Variants in NUP205 observed in about 807,000 individuals in gnomAD.
NUP205 encodes nucleoporin 205, also known as nuclear pore complex protein Nup205.
Under a neutral mutation model 253.8 loss-of-function variants are expected in NUP205, and 76 were observed. That is an observed-to-expected ratio of 0.30 (90% CI 0.25 to 0.36). The LOEUF is 0.36. Among genes scored for constraint, NUP205 ranks in the 10% least tolerant of loss-of-function variants. The pLI is 1.00. For missense variants in NUP205, 2,162 were observed against 2,425.5 expected (o/e 0.89, Z 2.28); for synonymous variants, 832 against 850.1 (o/e 0.98, Z 0.37).
chr7:135,561,057 A>G (rs550259129), intron 1 of NUP205, among the ~76,000 whole-genome samples: 66 of 152,256 alleles, frequency 4.3e-4, no homozygotes, highest in African/African-American at 1.5e-3. Context: ...TCTAAGACCT[A>G]TGGTTGGCCA....
In NUP205 at chr7:135,600,888, G is replaced by T. The variant is rs1215931878; in HGVS notation, c.2293G>T (p.Val765Phe). The T allele has an allele frequency of 8.1e-6, 13 of 1,609,462 alleles. No individual in the cohort carries two copies. Among genetic ancestry groups the T allele is most frequent in the Non-Finnish European group, 1.1e-5 (13 of 1,176,716 alleles). ...AAEKWEVAEV[V>F]LEVFYKLLRD... ...TCTATAGTGGGAAGTTGCTGAGGTG[G>T]TTTTGGAGGTGTTTTATAAATTGCT... The change falls in exon 16 of 43, where the codon GTT (valine) becomes TTT (phenylalanine). Residue 765 changes from valine to phenylalanine, a missense_variant. This residue lies in a region of NUP205 where 892 missense variants were observed against 957.1 expected (regional missense o/e 0.93). Coordinates refer to ENST00000285968, the MANE Select transcript of NUP205 (RefSeq NM_015135.3).
chr7:135,645,901 G>A, intron 41 of NUP205: 1 of 576,622 alleles, frequency 1.7e-6, no homozygotes, highest in East Asian at 2.9e-5. Flanking sequence ...TCTTATTGCT[G>A]GAGTGGGCCT....
At chr7:135,579,077 T>C (rs1275323546) in intron 7 of NUP205, among the ~76,000 whole-genome samples, 162 bp downstream of exon 7, 1 of 152,204 alleles carries the variant, frequency 6.6e-6, no homozygotes, top group African/African-American at 2.4e-5. Flanking sequence ...ATACAGACTT[T>C]TTTCTCCTTG....
At chr7:135,565,015 C>T (rs945608211) in intron 1 of NUP205, among the ~76,000 whole-genome samples, 10 of 152,068 alleles carry the variant, frequency 6.6e-5, no homozygotes, top group African/African-American at 2.2e-4. Flanking sequence ...GTGATCTGCC[C>T]GCCTTGGCCT....
At chr7:135,586,845 A>G (rs563226118) in intron 8 of NUP205, among the ~76,000 whole-genome samples, 5 of 152,328 alleles carry the variant, frequency 3.3e-5, no homozygotes, top group Admixed American at 1.3e-4. Flanking sequence ...AATATGGCCT[A>G]TCTTGGTAAA....
chr7:135,569,718 A>T (rs1402821304), intron 1 of NUP205, among the ~76,000 whole-genome samples: 1 of 152,070 alleles, frequency 6.6e-6, no homozygotes, highest in Non-Finnish European at 1.5e-5. Flanking sequence ...AGTCATTATT[A>T]CTTACTGTTA....
At chr7:135,590,782 T>C (rs1013333187) in intron 10 of NUP205, among the ~76,000 whole-genome samples, 2 of 152,038 alleles carry the variant, frequency 1.3e-5, no homozygotes, top group Admixed American at 1.3e-4. Flanking sequence ...CTGCCCGCCT[T>C]GGCCTCCCAA....
chr7:135,558,616 T>C lies in NUP205; in HGVS notation c.28+644T>C, dbSNP rs115776142. Among the ~76,000 whole-genome samples, 400 of 152,294 alleles carry C rather than the reference T, an allele frequency of 2.6e-3. 3 individuals are homozygous for C. Among genetic ancestry groups the C allele is most frequent in the African/African-American group, 9.1e-3 (380 of 41,564 alleles). ...TGGAAGATTTGGGGTGGATCCTCTT[T>C]CGGTGATTCTCAATTCGGGCCGTAC... On this transcript the variant is annotated intron_variant, in intron 1 of 42. Transcript: ENST00000285968.
intron 23 of NUP205, 95 bp from the exon 24 acceptor site, chr7:135,615,821 T>A: frequency 1.4e-6 from 1 of 699,454 alleles, no homozygotes; most frequent in South Asian, 3.8e-5. Context: ...TTGACTTTGT[T>A]ACATGGGAAA....
chr7:135,635,855 GA>G (rs1794800231), intron 36 of NUP205, among the ~76,000 whole-genome samples, 198 bp downstream of exon 36: 1 of 152,094 alleles, frequency 6.6e-6, no homozygotes, highest in Non-Finnish European at 1.5e-5. Context: ...ATTGTTGGGG[GA>G]TGGGGAGGAG....
chr7:135,593,297 T>C, intron 12 of NUP205, 105 bp downstream of exon 12: 2 of 1,039,206 alleles, frequency 1.9e-6, no homozygotes, highest in South Asian at 3.1e-5. Flanking sequence ...ACTTAGCCTA[T>C]CTAGATAGAC....
At chr7:135,567,923 G>C (rs1375100606) in intron 1 of NUP205, among the ~76,000 whole-genome samples, 1 of 152,060 alleles carries the variant, frequency 6.6e-6, no homozygotes, top group Non-Finnish European at 1.5e-5. Flanking sequence ...TAAATGGTGA[G>C]TCTAAAATCA....
At chr7:135,598,236 C>T in intron 15 of NUP205, 29 bp downstream of exon 15, 1 of 1,570,584 alleles carries the variant, frequency 6.4e-7, no homozygotes, top group African/African-American at 1.4e-5. Context: ...CTTTTTTCTC[C>T]TTATGCATTT....
At chr7:135,562,935 C>T (rs1237079484) in intron 1 of NUP205, among the ~76,000 whole-genome samples, 1 of 152,162 alleles carries the variant, frequency 6.6e-6, no homozygotes, top group Non-Finnish European at 1.5e-5. Flanking sequence ...CTTTTGAGTT[C>T]TTTGACATGC....
Position 135,619,898 on chromosome 7 carries a change from G to T in NUP205, c.4330+10G>T. 6.6e-7 allele frequency: 1 copy of T among 1,521,514 alleles called. No individual in the cohort carries two copies. Among genetic ancestry groups the T allele is most frequent in the East Asian group, 2.3e-5 (1 of 44,400 alleles). The allele number at this position is 1,521,514 out of a possible 1,614,324, so 94.3% of individuals were successfully genotyped here. A position where few individuals can be genotyped will look rare whatever the true frequency, so the allele number is the denominator to read the frequency against. On this transcript the variant is annotated intron_variant, in intron 30 of 42. Transcript: ENST00000285968. The stretch of plus-strand genomic sequence containing the variant: ...GACACCTTAGAAGCAGGTAGAATGA[G>T]ATCAATTCCTAATCTTTTCTGGATT...
chr7:135,586,452 C>A (rs191297047), intron 8 of NUP205, among the ~76,000 whole-genome samples: 1 of 152,104 alleles, frequency 6.6e-6, no homozygotes, highest in East Asian at 1.9e-4. Flanking sequence ...TTATTATTTT[C>A]TTCCCTCTGC....
chr7:135,624,591 T>C (rs1794543985), intron 31 of NUP205, among the ~76,000 whole-genome samples: 1 of 151,640 alleles, frequency 6.6e-6, no homozygotes, highest in Admixed American at 6.6e-5. Flanking sequence ...CCTGGCCAGG[T>C]TGGTCTTGAA....
rs566863556 is a variant in NUP205 at position 135,592,379 on chromosome 7, A to C, written c.1625-608A>C. Among the ~76,000 whole-genome samples, 111 of 152,384 alleles carry C rather than the reference A, an allele frequency of 7.3e-4. 3 individuals carry two copies. The South Asian group carries it at 0.022, about 31-fold the overall frequency. On this transcript the variant is annotated intron_variant, in intron 11 of 42. Coordinates refer to ENST00000285968, the MANE Select transcript of NUP205 (RefSeq NM_015135.3). Reference sequence around the variant, plus strand: ...CAGCCCTGTACAGTTACATGAGAGCACAGAGAACTCTCCTGGATGTGAAGT... The same window carrying C: ...CAGCCCTGTACAGTTACATGAGAGCCCAGAGAACTCTCCTGGATGTGAAGT...
chr7:135,638,414 G>GGA, intron 37 of NUP205, 143 bp from the exon 38 acceptor site: 3 of 464,218 alleles, frequency 6.5e-6, no homozygotes, highest in Non-Finnish European at 1.1e-5. Context: ...GACTCCATCT[G>GGA]AAAAAAAAAA....
Sources: gnomAD v4.1 joint callset for allele counts (sites outside exome capture counted in the v4.1 genomes callset) on GRCh38, gnomAD v4.1.1 for gene constraint, gnomAD v4.1.1 regional missense constraint, MANE v1.5 for transcripts, NCBI Gene and HGNC (gene_info 2026-07-23, HGNC 2026-07-21) for gene names.